Variants in STRBP observed in about 807,000 individuals in gnomAD.
The protein encoded by STRBP is spermatid perinuclear RNA-binding protein.
Under a neutral mutation model 80.1 loss-of-function variants are expected in STRBP, and 13 were observed. That is an observed-to-expected ratio of 0.16 (90% CI 0.11 to 0.26). The LOEUF is 0.26. STRBP is among the 10% of genes least tolerant of loss of function. The pLI is 1.00. For missense variants in STRBP, 485 were observed against 815.2 expected (o/e 0.59, Z 4.93); for synonymous variants, 284 against 291.2 (o/e 0.98, Z 0.25).
downstream of STRBP, among the ~76,000 whole-genome samples, chr9:123,117,201 A>G (rs151231142): frequency 2.6e-3 from 398 of 152,332 alleles, no homozygotes; most frequent in African/African-American, 8.5e-3. Flanking sequence ...ATGCTCTAGA[A>G]CACGACAGCC....
chr9:123,164,051 G>GT lies in STRBP; in HGVS notation c.536-2984dup, dbSNP rs766685539. Among the ~76,000 whole-genome samples the GT allele has an allele frequency of 4.5e-3, 670 of 147,796 alleles. 13 individuals are homozygous for GT. The highest frequency in any genetic ancestry group is 5.2e-3 in the Non-Finnish European group (343 of 65,822). On this transcript the variant is annotated intron_variant, in intron 6 of 18. Transcript: ENST00000348403. Reference sequence around the variant, plus strand: ...TTTTTTGTTTGCTTGTTTTTGTTTTGTTTTTTGTTTTTTGAGACAGAATCT... The same window carrying GT: ...TTTTTTGTTTGCTTGTTTTTGTTTTGTTTTTTTGTTTTTTGAGACAGAATCT...
At chr9:123,227,771 G>T (rs2040285471) in intron 2 of STRBP, among the ~76,000 whole-genome samples, 1 of 151,648 alleles carries the variant, frequency 6.6e-6, no homozygotes. Context: ...CACCATGTTG[G>T]CCAGGCTGGT....
At chr9:123,151,022 C>T (rs2037035570) in intron 11 of STRBP, among the ~76,000 whole-genome samples, 1 of 152,144 alleles carries the variant, frequency 6.6e-6, no homozygotes, top group African/African-American at 2.4e-5. Flanking sequence ...AAATTATCTA[C>T]AATTTCTTAT....
At chr9:123,204,198 A>G (rs1369480497) in intron 2 of STRBP, among the ~76,000 whole-genome samples, 1 of 152,246 alleles carries the variant, frequency 6.6e-6, no homozygotes, top group Non-Finnish European at 1.5e-5. Context: ...CAATGCTCAC[A>G]TGATCCTGAA....
intron 13 of STRBP, among the ~76,000 whole-genome samples, chr9:123,141,647 T>TA: frequency 6.6e-6 from 1 of 152,264 alleles, no homozygotes; most frequent in South Asian, 2.1e-4. Context: ...ACATAGACAA[T>TA]AAAAATAGGC....
At chr9:123,161,173 ACT>A in intron 6 of STRBP, 105 bp from the exon 7 acceptor site, 1 of 842,098 alleles carries the variant, frequency 1.2e-6, no homozygotes, top group Non-Finnish European at 1.8e-6. Flanking sequence ...ATTTGAGTGA[ACT>A]AATAAGACTC....
intron 6 of STRBP, among the ~76,000 whole-genome samples, chr9:123,166,744 A>T (rs946538315): frequency 7.6e-6 from 1 of 132,148 alleles, no homozygotes; most frequent in Non-Finnish European, 1.7e-5. Context: ...ACAAAGCAAG[A>T]CTGTCTCCAG....
At chr9:123,141,488 C>A (rs755273129) in intron 13 of STRBP, among the ~76,000 whole-genome samples, 59 of 152,114 alleles carry the variant, frequency 3.9e-4, no homozygotes, top group Non-Finnish European at 6.3e-4. Flanking sequence ...TGTAAATATG[C>A]TCTCCCTGAG....
At chr9:123,133,601 C>T (rs1269441638) in intron 16 of STRBP, among the ~76,000 whole-genome samples, 4 of 151,776 alleles carry the variant, frequency 2.6e-5, no homozygotes, top group Admixed American at 2.6e-4. Context: ...TGCAATGGTG[C>T]GATCTCGACT....
At chr9:123,176,328 C>T (rs189650208) in intron 4 of STRBP, among the ~76,000 whole-genome samples, 73 of 152,312 alleles carry the variant, frequency 4.8e-4, no homozygotes, top group African/African-American at 1.6e-3. Context: ...CATCGTCTCT[C>T]CCTGCTCTGT....
intron 1 of STRBP, among the ~76,000 whole-genome samples, chr9:123,263,725 A>G (rs1381634747): frequency 1.3e-5 from 2 of 152,156 alleles, no homozygotes; most frequent in Admixed American, 1.3e-4. Flanking sequence ...TTTGATAACT[A>G]AAACTTGAAA....
At chr9:123,228,549 T>C (rs2040310768) in intron 2 of STRBP, among the ~76,000 whole-genome samples, 1 of 152,152 alleles carries the variant, frequency 6.6e-6, no homozygotes, top group South Asian at 2.1e-4. Context: ...AATGAATAAT[T>C]GTGTCAAATG....
At chr9:123,167,649 C>CAA (rs879891075) in intron 6 of STRBP, among the ~76,000 whole-genome samples, 1 of 138,950 alleles carries the variant, frequency 7.2e-6, no homozygotes, top group East Asian at 2.0e-4. Context: ...TTCTGCCATT[C>CAA]AAAAAAAAAA....
chr9:123,130,519 T>C (rs932739066), intron 17 of STRBP, among the ~76,000 whole-genome samples: 2 of 152,084 alleles, frequency 1.3e-5, no homozygotes, highest in African/African-American at 4.8e-5. Flanking sequence ...AGGTGGTAAA[T>C]GGTCCGCGGC....
intron 1 of STRBP, among the ~76,000 whole-genome samples, chr9:123,259,389 C>T (rs916756836): frequency 2.6e-5 from 4 of 152,246 alleles, no homozygotes; most frequent in African/African-American, 9.6e-5. Context: ...ATACACAAGC[C>T]TGGAGTTCCA....
At chr9:123,264,109 G>A (rs1310713285) in intron 1 of STRBP, among the ~76,000 whole-genome samples, 4 of 152,202 alleles carry the variant, frequency 2.6e-5, no homozygotes, top group Non-Finnish European at 4.4e-5. Context: ...AACCCGGGAG[G>A]CGGAGTTTGC....
intron 2 of STRBP, among the ~76,000 whole-genome samples, chr9:123,216,816 TC>T (rs2039914642): frequency 6.6e-6 from 1 of 152,152 alleles, no homozygotes; most frequent in Admixed American, 6.5e-5. Context: ...ATTAATTACC[TC>T]AGTTAATATT....
chr9:123,209,182 G>A (rs1038678422), intron 2 of STRBP, among the ~76,000 whole-genome samples: 1 of 152,172 alleles, frequency 6.6e-6, no homozygotes, highest in Non-Finnish European at 1.5e-5. Flanking sequence ...ATAATACTTA[G>A]AAGTCTTAGT....
At position 123,147,683 on chromosome 9, in the gene STRBP, A is replaced by AC; in HGVS notation, c.1138+94_1138+95insG. ...ACAGAATGAGAACCGATCTCAAAAA[A>AC]AAAAAAAAAAAAAAAACCCTTCACT... On this transcript the variant is annotated intron_variant, in intron 12 of 18. Coordinates refer to ENST00000348403, the MANE Select transcript of STRBP (RefSeq NM_018387.5). 5 of 1,047,950 alleles carry AC rather than the reference A, an allele frequency of 4.8e-6. No homozygotes were observed. In the South Asian group the frequency reaches 8.3e-5, roughly 17 times the overall value. 64.9% of individuals were successfully genotyped at this position (1,047,950 alleles called of 1,614,324 possible).
Sources: allele counts gnomAD v4.1 joint callset (sites outside exome capture counted in the v4.1 genomes callset), GRCh38; gene constraint gnomAD v4.1.1; transcripts MANE v1.5; gene names NCBI Gene and HGNC (gene_info 2026-07-23, HGNC 2026-07-21).